FNDC3B: variants seen among roughly 807,000 people sequenced by gnomAD.
FNDC3B encodes the protein fibronectin type III domain containing 3B.
Under a neutral mutation model 151.5 loss-of-function variants are expected in FNDC3B, and 12 were observed. That is an observed-to-expected ratio of 0.08 (90% CI 0.05 to 0.13). FNDC3B has a LOEUF of 0.13. Among genes scored for constraint, FNDC3B ranks in the 10% least tolerant of loss-of-function variants. The pLI is 1.00. For missense variants in FNDC3B, 1,214 were observed against 1,505.3 expected, an observed-to-expected ratio of 0.81 and a Z score of 3.20; for synonymous variants, 528 against 549.0, an observed-to-expected ratio of 0.96 and a Z score of 0.54.
chr3:172,331,895 AGTATGGTGGCACCTATAC>A, intron 13 of FNDC3B, among the ~76,000 whole-genome samples: 1 of 152,242 alleles, frequency 6.6e-6, no homozygotes, highest in Non-Finnish European at 1.5e-5. Flanking sequence ...TGTGCCATCC[AGTATGGTGGCACCTATAC>A]ACATACAACT....
chr3:172,087,747 G>A (rs540019373), intron 1 of FNDC3B, among the ~76,000 whole-genome samples: 3 of 152,270 alleles, frequency 2.0e-5, no homozygotes, highest in Admixed American at 1.3e-4. Flanking sequence ...AAAAATTAAT[G>A]CTGATGTACA....
chr3:172,392,694 G>A (rs1736067984), intron 25 of FNDC3B, among the ~76,000 whole-genome samples: 1 of 151,824 alleles, frequency 6.6e-6, no homozygotes, highest in African/African-American at 2.4e-5. Context: ...TTTAGGCAAA[G>A]GTGAGTTTGT....
chr3:172,366,723 A>G (rs902319689), intron 23 of FNDC3B, among the ~76,000 whole-genome samples: 3 of 152,214 alleles, frequency 2.0e-5, no homozygotes, highest in African/African-American at 7.2e-5. Flanking sequence ...GAAGAATGGC[A>G]TCTAAGGTAG....
chr3:172,203,931 T>A (rs1384364777), intron 3 of FNDC3B, among the ~76,000 whole-genome samples: 1 of 152,224 alleles, frequency 6.6e-6, no homozygotes, highest in East Asian at 1.9e-4. Context: ...ATTGTGACTG[T>A]CAGACAAAGG....
chr3:172,346,548 T>C, intron 20 of FNDC3B, 108 bp downstream of exon 20: 1 of 543,196 alleles, frequency 1.8e-6, no homozygotes, highest in Non-Finnish European at 3.1e-6. Context: ...ATAGATGATT[T>C]TTTTTTTTTT....
intron 13 of FNDC3B, 116 bp from the exon 14 acceptor site, chr3:172,332,972 AC>A: frequency 1.3e-6 from 1 of 755,466 alleles, no homozygotes; most frequent in East Asian, 2.5e-5. Context: ...TAGCTGCCAG[AC>A]CTCTGGCCAG....
chr3:172,219,905 A>T (rs565325814), intron 3 of FNDC3B, among the ~76,000 whole-genome samples: 1 of 152,332 alleles, frequency 6.6e-6, no homozygotes, highest in South Asian at 2.1e-4. Context: ...ACATGAACAC[A>T]TGTACAGGCT....
intron 5 of FNDC3B, among the ~76,000 whole-genome samples, chr3:172,248,990 A>G (rs1488406669): frequency 6.6e-6 from 1 of 152,080 alleles, no homozygotes; most frequent in Non-Finnish European, 1.5e-5. Flanking sequence ...TAGCAGCATC[A>G]ATAACTTCCT....
In FNDC3B at chr3:172,131,538, T is replaced by C. The variant is rs151073517; in HGVS notation, c.112-1933T>C. Among the ~76,000 whole-genome samples, 33 of 152,318 alleles carry C rather than the reference T, an allele frequency of 2.2e-4. No homozygotes were observed. The East Asian group carries it at 6.0e-3, about 28-fold the overall frequency. On this transcript the variant is annotated intron_variant, in intron 2 of 25. Coordinates refer to ENST00000415807, the MANE Select transcript of FNDC3B (RefSeq NM_022763.4). ...TCAAAGATTATCTACAGTTATTATA[T>C]AGGAAAAATAAATTGCCTTGAAATA...
intron 3 of FNDC3B, among the ~76,000 whole-genome samples, chr3:172,153,376 A>G (rs1321491450): frequency 2.0e-5 from 3 of 152,124 alleles, no homozygotes; most frequent in Admixed American, 2.0e-4. Context: ...TGCTCCCTGC[A>G]CTTGGGAGAA....
chr3:172,082,346 G>T (rs1305152522), intron 1 of FNDC3B, among the ~76,000 whole-genome samples: 1 of 152,116 alleles, frequency 6.6e-6, no homozygotes, highest in African/African-American at 2.4e-5. Context: ...CTTGTTATTT[G>T]CAAGGCTGAT....
intron 6 of FNDC3B, among the ~76,000 whole-genome samples, chr3:172,278,939 A>G (rs1183029620): frequency 6.6e-6 from 1 of 152,048 alleles, no homozygotes; most frequent in Non-Finnish European, 1.5e-5. Flanking sequence ...AAACAAAACA[A>G]AACAAAAAAA....
intron 1 of FNDC3B, chr3:172,046,906 A>G (rs1716395746): frequency 6.6e-6 from 1 of 152,210 alleles, no homozygotes; most frequent in African/African-American, 2.4e-5. Flanking sequence ...AATCTTGTAT[A>G]GAGAACAGTG....
chr3:172,356,032 G>C (rs1197469493), intron 22 of FNDC3B, among the ~76,000 whole-genome samples: 1 of 152,294 alleles, frequency 6.6e-6, no homozygotes, highest in South Asian at 2.1e-4. Context: ...ACTTAAAGTA[G>C]ATTTGTTTGT....
chr3:172,084,722 G>A (rs1194484640), intron 1 of FNDC3B, among the ~76,000 whole-genome samples: 1 of 152,086 alleles, frequency 6.6e-6, no homozygotes, highest in Non-Finnish European at 1.5e-5. Flanking sequence ...GGCCGTATTC[G>A]GCTTCTTATC....
intron 11 of FNDC3B, among the ~76,000 whole-genome samples, chr3:172,311,948 C>T (rs899507347): frequency 6.6e-6 from 1 of 151,558 alleles, no homozygotes; most frequent in African/African-American, 2.4e-5. Flanking sequence ...ATTCATTTGC[C>T]CCCACTTTAT....
intron 25 of FNDC3B, among the ~76,000 whole-genome samples, chr3:172,395,923 T>C (rs576142505): frequency 1.3e-5 from 2 of 152,278 alleles, no homozygotes; most frequent in South Asian, 4.2e-4. Flanking sequence ...CGATCAATGT[T>C]GAAGAGGATG....
At chr3:172,199,147 T>A (rs1331269594) in intron 3 of FNDC3B, among the ~76,000 whole-genome samples, 2 of 150,444 alleles carry the variant, frequency 1.3e-5, no homozygotes, top group Non-Finnish European at 3.0e-5. Flanking sequence ...TTTTTAATAT[T>A]CCAAGGGAAG....
intron 24 of FNDC3B, 152 bp downstream of exon 24, chr3:172,378,588 C>T: frequency 1.3e-6 from 1 of 751,190 alleles, no homozygotes; most frequent in Non-Finnish European, 2.0e-6. Context: ...GATGGGTTGT[C>T]TGGGGGAAAT....
Sources: allele counts gnomAD v4.1 joint callset (sites outside exome capture counted in the v4.1 genomes callset), GRCh38; gene constraint gnomAD v4.1.1; transcripts MANE v1.5; gene names NCBI Gene and HGNC (gene_info 2026-07-23, HGNC 2026-07-21).